SVEP1: variants seen among roughly 807,000 people sequenced by gnomAD.
SVEP1 encodes the protein sushi, von Willebrand factor type A, EGF and pentraxin domain-containing protein 1.
In SVEP1, 164 loss-of-function variants were observed where a neutral mutation model predicts 367.3. The ratio of observed to expected loss-of-function variants is 0.45; its 90% confidence interval spans 0.39 to 0.51. SVEP1 has a LOEUF of 0.51. Ranked by LOEUF, SVEP1 falls within the 20% of genes least tolerant of loss-of-function variation. The pLI, the probability that SVEP1 is intolerant of heterozygous loss-of-function variation, is 0.00. For synonymous variants in SVEP1, 1,666 were observed against 1,611.6 expected (o/e 1.03, Z -0.81); for missense variants, 4,117 against 4,425.3 (o/e 0.93, Z 1.98).
chr9:110,549,610 T>G (rs1564173805), intron 2 of SVEP1, among the ~76,000 whole-genome samples: 1 of 152,154 alleles, frequency 6.6e-6, no homozygotes, highest in Non-Finnish European at 1.5e-5. Flanking sequence ...CATATGGATA[T>G]TTTAGTGAAA....
chr9:110,576,873 C>T (rs1416062577), intron 1 of SVEP1, among the ~76,000 whole-genome samples: 2 of 152,032 alleles, frequency 1.3e-5, no homozygotes, highest in Non-Finnish European at 2.9e-5. Context: ...AGTGCTGGGA[C>T]AACTGCTTAT....
rs777263577 is a variant in SVEP1 at position 110,408,693 on chromosome 9, T to C, written c.6907A>G (p.Thr2303Ala). The C allele has an allele frequency of 1.2e-6, 2 of 1,613,992 alleles. No individual in the cohort carries two copies. The highest frequency in any genetic ancestry group is 8.5e-7 in the Non-Finnish European group (1 of 1,179,894). The part of the protein sequence containing the change: ...GYELVGDSSW[T>A]CQKSGKWNKK... ...TTCCATTTGCCAGATTTCTGACATG[T>C]CCAAGAACTGTCACCAACAAGCTCA... The change falls in exon 38 of 48, where the codon ACA becomes GCA. Residue 2303 changes from threonine to alanine, a missense_variant. Physicochemically the swap from Thr to Ala is moderately conservative, Grantham distance 58. Around this residue, in one of 4 missense-constraint regions of SVEP1, gnomAD observed 1,765 missense variants for 1,781.1 expected, o/e 0.99. Transcript: ENST00000374469.
At position 110,435,736 on chromosome 9, in the gene SVEP1, C is replaced by T. The variant is rs145176862; in HGVS notation, c.4765-372G>A. On this transcript the variant is annotated intron_variant, in intron 28 of 47. Coordinates refer to ENST00000374469, the MANE Select transcript of SVEP1 (RefSeq NM_153366.4). ...GCTGAGGCTTAGAGATTCTTAGAGG[C>T]TCAGCCTCTGTAGTAATAAGAGCAA... 2.9e-3 allele frequency among the ~76,000 whole-genome samples: 449 copies of T among 152,338 alleles called. 6 individuals are homozygous for T. The highest frequency in any genetic ancestry group is 9.6e-3 in the African/African-American group (400 of 41,576).
intron 24 of SVEP1, among the ~76,000 whole-genome samples, chr9:110,449,554 G>C (rs993986432): frequency 6.6e-6 from 1 of 152,080 alleles, no homozygotes; most frequent in Non-Finnish European, 1.5e-5. Flanking sequence ...GTGGTGGCAG[G>C]CACCTGTAAT....
At chr9:110,507,832 T>C (rs957352592) in intron 5 of SVEP1, among the ~76,000 whole-genome samples, 4 of 152,198 alleles carry the variant, frequency 2.6e-5, no homozygotes, top group Non-Finnish European at 2.9e-5. Flanking sequence ...TATTAAACAA[T>C]GTTTTGGCTT....
chr9:110,476,522 T>C (rs1829098620), intron 13 of SVEP1, among the ~76,000 whole-genome samples: 1 of 152,086 alleles, frequency 6.6e-6, no homozygotes, highest in Non-Finnish European at 1.5e-5. Context: ...TCACACCTTT[T>C]ATCTCTGTTT....
chr9:110,438,883 C>T (rs1483845205), intron 27 of SVEP1, among the ~76,000 whole-genome samples: 2 of 152,176 alleles, frequency 1.3e-5, no homozygotes, highest in Non-Finnish European at 2.9e-5. Context: ...TGATATAAAG[C>T]AGTATCACAC....
chr9:110,490,875 A>T (rs1391223528), intron 8 of SVEP1, among the ~76,000 whole-genome samples: 3 of 151,882 alleles, frequency 2.0e-5, no homozygotes, highest in African/African-American at 7.2e-5. Context: ...TTACTTCTTG[A>T]ATTGTATGTT....
chr9:110,457,453 T>C, intron 20 of SVEP1, 101 bp from the exon 21 acceptor site: 1 of 884,644 alleles, frequency 1.1e-6, no homozygotes. Context: ...AGCTCGTTCC[T>C]CCTGTTTCCA....
In SVEP1 at chr9:110,434,480, G is replaced by A; in HGVS notation, c.4915C>T (p.Pro1639Ser). 1.9e-6 allele frequency: 3 copies of A among 1,613,190 alleles called. No homozygotes were observed. Among genetic ancestry groups the A allele is most frequent in the Non-Finnish European group, 2.5e-6 (3 of 1,179,676 alleles). Residue 1639 changes from proline to serine, a missense_variant, in exon 30 of 48, where the codon CCT (proline) becomes TCT (serine). Around this residue, in one of 4 missense-constraint regions of SVEP1, gnomAD observed 2,174 missense variants for 2,494.3 expected, o/e 0.87. Coordinates refer to ENST00000374469, the MANE Select transcript of SVEP1 (RefSeq NM_153366.4). ...SDCPRLGGSVPHLRTASEDLK... is the reference protein window; with the variant it reads ...SDCPRLGGSVSHLRTASEDLK... ...TCTTCAGATGCAGTTCTCAGATGAG[G>A]CACTGACCCTCCTAAGCGTGGGCAA...
intron 6 of SVEP1, among the ~76,000 whole-genome samples, chr9:110,499,949 A>G (rs1419327719): frequency 6.6e-6 from 1 of 152,244 alleles, no homozygotes; most frequent in Non-Finnish European, 1.5e-5. Context: ...TAAATAGCTA[A>G]CATTTATTCA....
At chr9:110,497,192 T>G (rs1931313) in intron 7 of SVEP1, among the ~76,000 whole-genome samples, 2,304 of 152,318 alleles carry the variant, frequency 0.015, 55 homozygotes, top group African/African-American at 0.051. Flanking sequence ...ACTCTCCACA[T>G]TGAGTTACTG....
intron 43 of SVEP1, among the ~76,000 whole-genome samples, chr9:110,385,127 T>G (rs1253638115): frequency 6.6e-6 from 1 of 152,112 alleles, no homozygotes; most frequent in Non-Finnish European, 1.5e-5. Flanking sequence ...ATTACAGGTG[T>G]GTGCCACCAC....
chr9:110,497,958 A>G (rs1039504674), intron 7 of SVEP1, among the ~76,000 whole-genome samples: 2 of 78,396 alleles, frequency 2.6e-5, no homozygotes, highest in African/African-American at 1.0e-4. Context: ...ATAATAGCAT[A>G]TTAACTCTGA....
At position 110,426,374 on chromosome 9, in the gene SVEP1, A is replaced by G. The variant is rs181143583; in HGVS notation, c.5975+1217T>C. Among the ~76,000 whole-genome samples, 3 of 152,192 alleles carry G rather than the reference A, an allele frequency of 2.0e-5. No individual in the cohort carries two copies. In the East Asian group the frequency reaches 5.8e-4, roughly 29 times the overall value. On this transcript the variant is annotated intron_variant, in intron 36 of 47. Coordinates refer to ENST00000374469, the MANE Select transcript of SVEP1 (RefSeq NM_153366.4). Reference sequence around the variant, plus strand: ...AATAATGGCTAAGTTTGTTGGGTTCATTGATTTTTTTTTTCTGGTTAGGCC... The same window carrying G: ...AATAATGGCTAAGTTTGTTGGGTTCGTTGATTTTTTTTTTCTGGTTAGGCC...
In SVEP1 at chr9:110,489,710, A is replaced by G; in HGVS notation, c.1870T>C (p.Tyr624His). The change falls in exon 9 of 48, where the codon TAC (tyrosine) becomes CAC (histidine). Residue 624 changes from tyrosine to histidine, a missense_variant. Coordinates refer to ENST00000374469, the MANE Select transcript of SVEP1 (RefSeq NM_153366.4). The part of the protein sequence containing the change: ...LFPIGDVAIV[Y>H]TATDLSGNQA... Reference sequence around the variant, plus strand: ...TTGCCGGATAGGTCAGTTGCCGTGTATACGATAGCAACATCTCCAATTGGG... The same window carrying G: ...TTGCCGGATAGGTCAGTTGCCGTGTGTACGATAGCAACATCTCCAATTGGG... The G allele has an allele frequency of 6.2e-7, 1 of 1,613,652 alleles. No homozygotes were observed. Among genetic ancestry groups the G allele is most frequent in the South Asian group, 1.1e-5 (1 of 91,058 alleles).
chr9:110,550,238 G>C (rs906264574), intron 1 of SVEP1, 134 bp from the exon 2 acceptor site: 12 of 1,195,656 alleles, frequency 1.0e-5, no homozygotes, highest in Non-Finnish European at 1.3e-5. Flanking sequence ...CCTAGTCAGA[G>C]TAAAACAGAA....
chr9:110,549,799 A>G (rs1242406428), intron 2 of SVEP1, 50 bp downstream of exon 2: 2 of 1,598,296 alleles, frequency 1.3e-6, no homozygotes, highest in Non-Finnish European at 1.7e-6. Flanking sequence ...GTGAGAGGCA[A>G]GGAAGCCTCA....
At chr9:110,390,179 G>C (rs1436922359) in intron 40 of SVEP1, among the ~76,000 whole-genome samples, 1 of 31,472 alleles carries the variant, frequency 3.2e-5, no homozygotes, top group African/African-American at 1.5e-4. Context: ...AAGTATGTAT[G>C]TATATATACA....
Sources: allele counts gnomAD v4.1 joint callset (sites outside exome capture counted in the v4.1 genomes callset), GRCh38; gene constraint gnomAD v4.1.1; regional missense constraint gnomAD v4.1.1; transcripts MANE v1.5; gene names NCBI Gene and HGNC (gene_info 2026-07-23, HGNC 2026-07-21).